MALRD1: variants seen among roughly 807,000 people sequenced by gnomAD.
The protein encoded by MALRD1 is MAM and LDL-receptor class A domain-containing protein 1.
In MALRD1, 247 loss-of-function variants were observed where a neutral mutation model predicts 242.1. That is an observed-to-expected ratio of 1.02 (90% CI 0.92 to 1.13). The LOEUF is 1.13. MALRD1 is among the 50% of genes most tolerant of loss of function. The probability of loss-of-function intolerance (pLI) is 0.00; values close to 1 mark genes in which losing one functional copy is unlikely to be tolerated. For synonymous variants in MALRD1, 995 were observed against 866.6 expected, an observed-to-expected ratio of 1.15 and a Z score of -2.60; for missense variants, 2,989 against 2,533.1, an observed-to-expected ratio of 1.18 and a Z score of -3.86.
intron 8 of MALRD1, 126 bp downstream of exon 8, chr10:19,128,513 T>G (rs571102357): frequency 1.8e-6 from 1 of 559,722 alleles, no homozygotes; most frequent in South Asian, 9.8e-5. Flanking sequence ...TTACTTGGTA[T>G]ACTTTTAAAA....
At chr10:19,602,614 G>A (rs1838413231) in intron 34 of MALRD1, among the ~76,000 whole-genome samples, 1 of 151,960 alleles carries the variant, frequency 6.6e-6, no homozygotes. Context: ...ATTTGGGTTG[G>A]TTCCAAGTCT....
intron 38 of MALRD1, among the ~76,000 whole-genome samples, chr10:19,694,156 A>G (rs1833249140): frequency 6.6e-6 from 1 of 152,266 alleles, no homozygotes; most frequent in South Asian, 2.1e-4. Context: ...CATTCAGGAC[A>G]TAGGCATGGG....
rs149305980 is a variant in MALRD1, at chr10:19,520,923, T to G, written c.5321-10271T>G. Among the ~76,000 whole-genome samples, 93 of 152,322 alleles carry G rather than the reference T, an allele frequency of 6.1e-4. 2 individuals are homozygous for G. The East Asian group carries it at 0.017, about 28-fold the overall frequency. On this transcript the variant is annotated intron_variant, in intron 31 of 39. Coordinates refer to ENST00000454679, the MANE Select transcript of MALRD1 (RefSeq NM_001142308.3). ...AATCAGATACCCAATCAAATATTCC[T>G]TCCTTTACTTTGGTATATTTGTCTA... is the stretch of plus-strand genomic sequence containing the variant.
At chr10:19,080,759 A>G (rs1053463830) in intron 2 of MALRD1, among the ~76,000 whole-genome samples, 2 of 152,002 alleles carry the variant, frequency 1.3e-5, no homozygotes, top group Non-Finnish European at 2.9e-5. Flanking sequence ...AAAGCAAAAA[A>G]TGACAAATAG....
chr10:19,153,801 T>A (rs1834029409), intron 11 of MALRD1, among the ~76,000 whole-genome samples: 1 of 152,222 alleles, frequency 6.6e-6, no homozygotes, highest in Non-Finnish European at 1.5e-5. Context: ...TCTAAACGAT[T>A]TATTCAGGCC....
chr10:19,123,982 G>A (rs970107257), intron 6 of MALRD1, among the ~76,000 whole-genome samples: 1 of 150,296 alleles, frequency 6.7e-6, no homozygotes, highest in African/African-American at 2.4e-5. Flanking sequence ...GGGATGAGAG[G>A]ATTGCTTGAG....
intron 11 of MALRD1, among the ~76,000 whole-genome samples, chr10:19,147,639 A>T (rs942947459): frequency 2.0e-5 from 3 of 152,238 alleles, no homozygotes; most frequent in African/African-American, 7.2e-5. Context: ...GATGGATGCC[A>T]CGATCCCTGC....
intron 36 of MALRD1, among the ~76,000 whole-genome samples, chr10:19,637,178 A>G (rs982431237): frequency 2.6e-5 from 4 of 152,192 alleles, no homozygotes; most frequent in Admixed American, 2.6e-4. Context: ...AAGAGAATAC[A>G]TATGTCAACC....
chr10:19,311,158 T>C (rs1842409036), intron 21 of MALRD1, among the ~76,000 whole-genome samples: 1 of 151,502 alleles, frequency 6.6e-6, no homozygotes, highest in Non-Finnish European at 1.5e-5. Flanking sequence ...AGTTCTCTTT[T>C]CTAAGCTGCT....
intron 25 of MALRD1, among the ~76,000 whole-genome samples, chr10:19,351,335 A>G (rs1253110415): frequency 1.3e-5 from 2 of 152,162 alleles, no homozygotes; most frequent in Non-Finnish European, 2.9e-5. Context: ...CTCAAAATCT[A>G]GTAAATTTCA....
At chr10:19,538,017 C>T (rs1277833584) in intron 32 of MALRD1, among the ~76,000 whole-genome samples, 1 of 152,148 alleles carries the variant, frequency 6.6e-6, no homozygotes, top group Admixed American at 6.5e-5. Context: ...TCTTCACTGA[C>T]ATTTAAGATA....
intron 36 of MALRD1, among the ~76,000 whole-genome samples, chr10:19,632,957 C>CA (rs1303871099): frequency 6.6e-6 from 1 of 152,034 alleles, no homozygotes; most frequent in African/African-American, 2.4e-5. Context: ...CTGGGCCAGG[C>CA]ACGGTGGCTC....
At chr10:19,391,540 G>A (rs572945973) in intron 28 of MALRD1, among the ~76,000 whole-genome samples, 5 of 152,224 alleles carry the variant, frequency 3.3e-5, no homozygotes, top group Non-Finnish European at 7.4e-5. Context: ...CTTTTAAGAT[G>A]TTCCAGTATA....
In MALRD1 at chr10:19,209,433, A is replaced by C; in HGVS notation, c.2744A>C (p.Glu915Ala). 6.4e-7 allele frequency: 1 copy of C among 1,550,982 alleles called. No individual in the cohort carries two copies. The highest frequency in any genetic ancestry group is 8.7e-7 in the Non-Finnish European group (1 of 1,147,074). Residue 915 changes from glutamate (E) to alanine (A), a missense_variant, in exon 18 of 40, where the codon GAA (glutamate) becomes GCA (alanine). Coordinates refer to ENST00000454679, the MANE Select transcript of MALRD1 (RefSeq NM_001142308.3). ...GTAKGHYLYI[E>A]SSEPQAFQDS... is the part of the protein sequence containing the mutation. The stretch of plus-strand genomic sequence containing the variant: ...GCTAAAGGACACTATCTCTACATAG[A>C]ATCTTCAGAGCCACAGGCTTTTCAA...
At chr10:19,074,644 A>G (rs1214156035) in intron 2 of MALRD1, among the ~76,000 whole-genome samples, 5 of 152,082 alleles carry the variant, frequency 3.3e-5, no homozygotes, top group Admixed American at 2.0e-4. Context: ...TTTGCAATGG[A>G]ATATTAATAG....
intron 36 of MALRD1, among the ~76,000 whole-genome samples, chr10:19,623,908 A>G (rs151138994): frequency 3.9e-5 from 6 of 152,278 alleles, no homozygotes; most frequent in East Asian, 3.9e-4. Flanking sequence ...GTTAAAACAT[A>G]AAATTAACCA....
At chr10:19,178,869 A>G (rs187708738) in intron 14 of MALRD1, among the ~76,000 whole-genome samples, 1 of 152,316 alleles carries the variant, frequency 6.6e-6, no homozygotes, top group Admixed American at 6.5e-5. Flanking sequence ...AAATATTTAT[A>G]TGTACATATT....
Position 19,348,032 on chromosome 10 carries a change from C to A in MALRD1, c.4149+14C>A. ...AAAAACTGCAAGGTATGGGGAAAAT[C>A]GAACCAACCAACCAAACAAACACAG... On this transcript the variant is annotated intron_variant, in intron 25 of 39. Coordinates refer to ENST00000454679, the MANE Select transcript of MALRD1 (RefSeq NM_001142308.3). The A allele has an allele frequency of 1.3e-6, 2 of 1,546,016 alleles. No homozygotes were observed. The highest frequency in any genetic ancestry group is 1.7e-6 in the Non-Finnish European group (2 of 1,144,466).
At chr10:19,424,547 A>T (rs553137256) in intron 28 of MALRD1, among the ~76,000 whole-genome samples, 1 of 152,228 alleles carries the variant, frequency 6.6e-6, no homozygotes, top group African/African-American at 2.4e-5. Flanking sequence ...ACACAAAAAC[A>T]TACACTAATA....
Sources: allele counts gnomAD v4.1 joint callset (sites outside exome capture counted in the v4.1 genomes callset), GRCh38; gene constraint gnomAD v4.1.1; transcripts MANE v1.5; gene names NCBI Gene and HGNC (gene_info 2026-07-23, HGNC 2026-07-21).